The following PVALB variants were observed in gnomAD, a reference collection of about 807,000 sequenced individuals.
PVALB encodes the protein parvalbumin alpha.
Under a neutral mutation model 10.9 loss-of-function variants are expected in PVALB, and 11 were observed. That is an observed-to-expected ratio of 1.01 (90% CI 0.63 to 1.67). The LOEUF is 1.67. Ranked by LOEUF, PVALB falls within the 40% of genes most tolerant of loss-of-function variation. The pLI is 0.00. For missense variants in PVALB, 131 were observed against 136.2 expected (o/e 0.96, Z 0.19); for synonymous variants, 57 against 50.7 (o/e 1.12, Z -0.53).
intron 3 of PVALB, among the ~76,000 whole-genome samples, chr22:36,805,454 C>T (rs78722273): frequency 1.3e-3 from 197 of 152,308 alleles, no homozygotes; most frequent in African/African-American, 4.5e-3. Flanking sequence ...AAGCAGGAGG[C>T]TCTAAATGGT....
chr22:36,801,325 C>T (rs1464705447), intron 3 of PVALB, among the ~76,000 whole-genome samples: 2 of 152,190 alleles, frequency 1.3e-5, no homozygotes, highest in African/African-American at 4.8e-5. Context: ...TCCTGTTCTA[C>T]AGATGAAGAA....
chr22:36,805,624 C>T (rs548057366), intron 3 of PVALB, among the ~76,000 whole-genome samples: 4 of 152,296 alleles, frequency 2.6e-5, no homozygotes, highest in East Asian at 1.9e-4. Flanking sequence ...GGCTAGGTGG[C>T]CATCAGTCAC....
Position 36,800,789 on chromosome 22 carries a change from T to A in PVALB, c.*101A>T. 1 of 1,353,486 alleles carries A rather than the reference T, an allele frequency of 7.4e-7. No individual in the cohort carries two copies. The highest frequency in any genetic ancestry group is 1.1e-6 in the Non-Finnish European group (1 of 943,350). The allele number at this position is 1,353,486 out of a possible 1,614,324, so 83.8% of individuals were successfully genotyped here. On this transcript the variant is annotated 3_prime_UTR_variant, in exon 4 of 4. Transcript: ENST00000417718. ...CCACAGGGGATGGGGGAGTAAAAAA[T>A]AACATAAACGAACTGAACAGAAATG...
chr22:36,801,785 G>C (rs1938869550), intron 3 of PVALB, among the ~76,000 whole-genome samples: 1 of 152,090 alleles, frequency 6.6e-6, no homozygotes, highest in South Asian at 2.1e-4. Flanking sequence ...GGGCAATAGA[G>C]TCAGACTCTG....
intron 3 of PVALB, among the ~76,000 whole-genome samples, chr22:36,810,118 T>C (rs4821532): frequency 0.9 from 137,249 of 152,074 alleles, 62,011 homozygotes; most frequent in Non-Finnish European, 0.93. Flanking sequence ...CTCCTGACCT[T>C]GTGATCTGCC....
chr22:36,801,015 G>T, intron 3 of PVALB, 97 bp from the exon 4 acceptor site: 1 of 1,223,184 alleles, frequency 8.2e-7, no homozygotes, highest in Non-Finnish European at 1.2e-6. Flanking sequence ...GCTCTCTCTG[G>T]GTTCTTGCTT....
chr22:36,809,668 C>T (rs538452647), intron 3 of PVALB, among the ~76,000 whole-genome samples: 3 of 152,222 alleles, frequency 2.0e-5, no homozygotes, highest in African/African-American at 7.2e-5. Flanking sequence ...ATGCTAAGCA[C>T]GGTGCCTGGC....
chr22:36,809,511 C>T (rs1012480093), intron 3 of PVALB, among the ~76,000 whole-genome samples: 31 of 152,160 alleles, frequency 2.0e-4, no homozygotes, highest in African/African-American at 5.1e-4. Context: ...TCAAAAGACC[C>T]GACTTTCAGA....
chr22:36,810,249 G>T (rs1210999406), intron 3 of PVALB, among the ~76,000 whole-genome samples: 3 of 152,192 alleles, frequency 2.0e-5, no homozygotes, highest in Non-Finnish European at 4.4e-5. Context: ...CCCAGATCCC[G>T]CCAGGAGTTG....
intron 2 of PVALB, 75 bp downstream of exon 2, chr22:36,815,028 T>C (rs1326374960): frequency 6.4e-7 from 1 of 1,572,040 alleles, no homozygotes; most frequent in Non-Finnish European, 8.7e-7. Flanking sequence ...GATGGACACT[T>C]GGAAGCTAGA....
chr22:36,813,780 G>T lies in PVALB; in HGVS notation c.195-25C>A, dbSNP rs373453572. On this transcript the variant is annotated intron_variant, in intron 2 of 3. Transcript: ENST00000417718. ...TCTGGAGGAGAAAAGGGAGAAAGCCGGTGAGGGAGTCAGGCCGAGGTCGCC... is the reference window on the plus strand; with the variant it reads ...TCTGGAGGAGAAAAGGGAGAAAGCCTGTGAGGGAGTCAGGCCGAGGTCGCC... 3 of 1,574,748 alleles carry T rather than the reference G, an allele frequency of 1.9e-6. No individual in the cohort carries two copies. The Admixed American group carries it at 5.0e-5, about 26-fold the overall frequency.
At chr22:36,803,939 T>C (rs1333254083) in intron 3 of PVALB, among the ~76,000 whole-genome samples, 2 of 152,194 alleles carry the variant, frequency 1.3e-5, no homozygotes, top group Non-Finnish European at 2.9e-5. Flanking sequence ...GTGGAGAGGC[T>C]ACTCCTGAGA....
Position 36,815,096 on chromosome 22 carries a change from C to A in PVALB, c.194+7G>T. 1 of 1,614,012 alleles carries A rather than the reference C, an allele frequency of 6.2e-7. No individual in the cohort carries two copies. The highest frequency in any genetic ancestry group is 8.5e-7 in the Non-Finnish European group (1 of 1,179,950). The stretch of plus-strand genomic sequence containing the variant: ...GGGCTGGGCAGCCCCTGCAGGCCTC[C>A]GCTTACCCCAGCTCATCCTCCTCGA... On this transcript the variant is annotated splice_region_variant and intron_variant, in intron 2 of 3. Coordinates refer to ENST00000417718, the MANE Select transcript of PVALB (RefSeq NM_001315532.2).
rs72164769 is a variant in PVALB, at chr22:36,811,275, C to CTAAATAAATAAA, written c.304+2359_304+2370dup. Among the ~76,000 whole-genome samples, 751 of 148,174 alleles carry CTAAATAAATAAA rather than the reference C, an allele frequency of 5.1e-3. 4 individuals are homozygous for CTAAATAAATAAA. Among genetic ancestry groups the CTAAATAAATAAA allele is most frequent in the East Asian group, 8.9e-3 (44 of 4,956 alleles). On this transcript the variant is annotated intron_variant, in intron 3 of 3. Coordinates refer to ENST00000417718, the MANE Select transcript of PVALB (RefSeq NM_001315532.2). ...CCTGGGTGACAGAGAGAGACTGTCT[C>CTAAATAAATAAA]TAAATAAATAAATAAATAAATAAAT...
chr22:36,814,965 T>C, intron 2 of PVALB, 138 bp downstream of exon 2: 1 of 1,180,048 alleles, frequency 8.5e-7, no homozygotes, highest in South Asian at 1.6e-5. Flanking sequence ...GTCGGAGCCC[T>C]GCCTTCACGC....
chr22:36,804,316 A>G (rs1333618133), intron 3 of PVALB, among the ~76,000 whole-genome samples: 1 of 152,206 alleles, frequency 6.6e-6, no homozygotes, highest in African/African-American at 2.4e-5. Context: ...GACATTTTGG[A>G]GCCAGACTTT....
At chr22:36,802,603 C>CACACAA (rs1222848851) in intron 3 of PVALB, among the ~76,000 whole-genome samples, 1 of 27,794 alleles carries the variant, frequency 3.6e-5, no homozygotes, top group Non-Finnish European at 7.4e-5. Flanking sequence ...CCATCTCACA[C>CACACAA]AAAAAAAAAA....
upstream of PVALB, chr22:36,817,119 C>A: frequency 3.0e-6 from 3 of 1,010,776 alleles, no homozygotes; most frequent in South Asian, 3.4e-5. Flanking sequence ...GCACGCCCGC[C>A]GGGCCTGGCA....
Position 36,815,153 on chromosome 22 carries a change from A to G in PVALB, c.144T>C (p.Phe48=). 6.2e-7 allele frequency: 1 copy of G among 1,614,144 alleles called. No homozygotes were observed. The highest frequency in any genetic ancestry group is 8.5e-7 in the Non-Finnish European group (1 of 1,180,024). ...KKSADDVKKV[F]HMLDKDKSGF... is the part of the protein sequence containing the mutation. ...CACTTTTGTCCTTGTCCAGCATGTG[A>G]AACACCTTCTTCACATCATCCGCAC... Residue 48 remains phenylalanine, a synonymous_variant, in exon 2 of 4, where the codon TTT becomes TTC. Transcript: ENST00000417718.
Sources: allele counts gnomAD v4.1 joint callset (sites outside exome capture counted in the v4.1 genomes callset), GRCh38; gene constraint gnomAD v4.1.1; transcripts MANE v1.5; gene names NCBI Gene and HGNC (gene_info 2026-07-23, HGNC 2026-07-21).